The following NEGR1 variants were observed in gnomAD, a reference collection of about 807,000 sequenced individuals.
NEGR1 encodes neuronal growth regulator 1, also known as IgLON family member 4.
A neutral mutation model predicts 40.9 loss-of-function variants in NEGR1; 10 were observed. The observed-to-expected ratio is 0.24, with a 90% CI of 0.15 to 0.42. The LOEUF is 0.42. Among genes scored for constraint, NEGR1 ranks in the 10% least tolerant of loss-of-function variants. NEGR1 has a pLI of 1.00. For missense variants in NEGR1, 352 were observed against 438.9 expected, an observed-to-expected ratio of 0.80 and a Z score of 1.77; for synonymous variants, 185 against 166.8, an observed-to-expected ratio of 1.11 and a Z score of -0.84.
chr1:71,857,376 C>T (rs1273232511), intron 2 of NEGR1, among the ~76,000 whole-genome samples: 1 of 149,812 alleles, frequency 6.7e-6, no homozygotes, highest in Non-Finnish European at 1.5e-5. Flanking sequence ...CTTTGGGAAG[C>T]CAAGGGAGGT....
chr1:71,461,060 G>T (rs1469422552), intron 6 of NEGR1, among the ~76,000 whole-genome samples: 2 of 151,980 alleles, frequency 1.3e-5, no homozygotes, highest in Non-Finnish European at 2.9e-5. Flanking sequence ...GGGCTTACTT[G>T]TCTTCTTTAT....
intron 1 of NEGR1, among the ~76,000 whole-genome samples, chr1:72,166,854 T>C (rs1162453802): frequency 6.6e-6 from 1 of 152,102 alleles, no homozygotes; most frequent in Non-Finnish European, 1.5e-5. Context: ...TGCATACATG[T>C]AGTATTTGTG....
At chr1:72,029,489 G>A (rs996575163) in intron 1 of NEGR1, among the ~76,000 whole-genome samples, 2 of 152,148 alleles carry the variant, frequency 1.3e-5, no homozygotes, top group African/African-American at 2.4e-5. Flanking sequence ...GACACTCATA[G>A]AATGGATCAT....
intron 6 of NEGR1, among the ~76,000 whole-genome samples, chr1:71,493,355 G>A (rs1163728042): frequency 2.6e-5 from 4 of 151,934 alleles, no homozygotes; most frequent in African/African-American, 4.8e-5. Flanking sequence ...CTTATTGATG[G>A]GAAGCCCAAT....
intron 4 of NEGR1, among the ~76,000 whole-genome samples, chr1:71,659,190 T>G (rs941209771): frequency 6.6e-6 from 1 of 152,196 alleles, no homozygotes; most frequent in Non-Finnish European, 1.5e-5. Context: ...GATTTTTTAA[T>G]CTTCAGGGTT....
chr1:71,687,564 C>A (rs1046242058), intron 4 of NEGR1, among the ~76,000 whole-genome samples: 2 of 152,160 alleles, frequency 1.3e-5, no homozygotes, highest in Non-Finnish European at 2.9e-5. Context: ...ATTCTGAGTG[C>A]AGCATCGTTC....
In NEGR1 at chr1:71,560,429, T is replaced by TTATA. The variant is rs58813234; in HGVS notation, c.940+32384_940+32387dup. Among the ~76,000 whole-genome samples, 166 of 114,280 alleles carry TTATA rather than the reference T, an allele frequency of 1.5e-3. 6 individuals carry two copies. The highest frequency in any genetic ancestry group is 8.1e-3 in the East Asian group (21 of 2,582). The allele number at this position is 114,280 out of a possible 152,430, so 75.0% of individuals were successfully genotyped here. On this transcript the variant is annotated intron_variant, in intron 6 of 6. Coordinates refer to ENST00000357731, the MANE Select transcript of NEGR1 (RefSeq NM_173808.3). Reference sequence around the variant, plus strand: ...AACCCAGGCCCTGTGTAATTCTCCATTATATATATATATATATATGTATAT... The same window carrying TTATA: ...AACCCAGGCCCTGTGTAATTCTCCATTATATATATATATATATATATATGTATAT...
intron 6 of NEGR1, among the ~76,000 whole-genome samples, chr1:71,510,981 T>C (rs1647069213): frequency 2.0e-5 from 3 of 152,188 alleles, no homozygotes; most frequent in African/African-American, 7.2e-5. Context: ...CATGATTTAG[T>C]TAGTAAAACT....
chr1:72,195,159 G>A (rs556940369), intron 1 of NEGR1, among the ~76,000 whole-genome samples: 1 of 151,832 alleles, frequency 6.6e-6, no homozygotes, highest in South Asian at 2.1e-4. Flanking sequence ...CTAACTGAAG[G>A]ACGTTCATTA....
intron 1 of NEGR1, among the ~76,000 whole-genome samples, chr1:72,201,653 C>G (rs1289203565): frequency 6.6e-6 from 1 of 151,414 alleles, no homozygotes; most frequent in Admixed American, 6.6e-5. Context: ...ATTATAATTT[C>G]AAAGATGTTA....
At chr1:71,769,269 C>T (rs1056512052) in intron 3 of NEGR1, among the ~76,000 whole-genome samples, 2 of 151,894 alleles carry the variant, frequency 1.3e-5, no homozygotes, top group African/African-American at 4.8e-5. Flanking sequence ...CTCATGTATA[C>T]TTGTCGATAT....
intron 1 of NEGR1, among the ~76,000 whole-genome samples, chr1:72,076,040 G>A (rs920970128): frequency 2.6e-5 from 4 of 152,162 alleles, no homozygotes; most frequent in Admixed American, 2.6e-4. Flanking sequence ...AAGTAAAACA[G>A]AAGCAGAAGC....
chr1:71,480,662 T>G (rs1303014945), intron 6 of NEGR1, among the ~76,000 whole-genome samples: 4 of 151,892 alleles, frequency 2.6e-5, no homozygotes, highest in East Asian at 3.9e-4. Flanking sequence ...AGACCTTACT[T>G]CTATCTATAC....
intron 1 of NEGR1, among the ~76,000 whole-genome samples, chr1:72,005,046 C>T (rs149311462): frequency 2.3e-3 from 346 of 152,158 alleles, no homozygotes; most frequent in African/African-American, 7.9e-3. Context: ...ATTGTACTTG[C>T]TTTGACAGTT....
chr1:72,255,793 C>T (rs945445242), intron 1 of NEGR1, among the ~76,000 whole-genome samples: 15 of 152,188 alleles, frequency 9.9e-5, no homozygotes, highest in African/African-American at 3.4e-4. Flanking sequence ...TCGTGATCCA[C>T]ACGCCTTGGC....
At chr1:71,745,228 A>C (rs566759128) in intron 3 of NEGR1, among the ~76,000 whole-genome samples, 49 of 152,262 alleles carry the variant, frequency 3.2e-4, no homozygotes, top group South Asian at 2.5e-3. Flanking sequence ...CACAACATTT[A>C]TCTGATGCAA....
intron 1 of NEGR1, among the ~76,000 whole-genome samples, chr1:72,040,640 C>G (rs1295492572): frequency 7.3e-6 from 1 of 137,296 alleles, no homozygotes; most frequent in African/African-American, 2.7e-5. Context: ...AACTGGGAAC[C>G]TTACTGAAAG....
At chr1:71,794,510 A>G (rs1570355746) in intron 2 of NEGR1, 1 of 152,170 alleles carries the variant, frequency 6.6e-6, no homozygotes, top group Admixed American at 6.6e-5. Context: ...GAAAGATTCA[A>G]TCAATGGTGC....
chr1:71,795,419 C>T (rs1174002800), intron 2 of NEGR1, among the ~76,000 whole-genome samples: 1 of 152,012 alleles, frequency 6.6e-6, no homozygotes, highest in Non-Finnish European at 1.5e-5. Flanking sequence ...ATTGAATGCA[C>T]ATTAGGACCA....
Sources: allele counts gnomAD v4.1 joint callset (sites outside exome capture counted in the v4.1 genomes callset), GRCh38; gene constraint gnomAD v4.1.1; transcripts MANE v1.5; gene names NCBI Gene and HGNC (gene_info 2026-07-23, HGNC 2026-07-21).